PDLIM5: variants seen among roughly 807,000 people sequenced by gnomAD.
The protein encoded by PDLIM5 is PDZ and LIM domain protein 5.
In PDLIM5, 34 loss-of-function variants were observed where a neutral mutation model predicts 64.2. That is an observed-to-expected ratio of 0.53 (90% CI 0.40 to 0.71). The LOEUF is 0.71. Among genes scored for constraint, PDLIM5 ranks in the 30% least tolerant of loss-of-function variants. The pLI is 0.00. For missense variants in PDLIM5, 683 were observed against 733.6 expected, an observed-to-expected ratio of 0.93 and a Z score of 0.80; for synonymous variants, 253 against 269.1, an observed-to-expected ratio of 0.94 and a Z score of 0.59.
intron 7 of PDLIM5, among the ~76,000 whole-genome samples, chr4:94,612,418 A>T (rs1738443955): frequency 6.6e-6 from 1 of 152,118 alleles, no homozygotes; most frequent in Non-Finnish European, 1.5e-5. Context: ...CAGGGCTGAG[A>T]TTGTACAGAG....
chr4:94,538,913 T>C (rs568939709), intron 3 of PDLIM5, among the ~76,000 whole-genome samples: 1 of 152,192 alleles, frequency 6.6e-6, no homozygotes, highest in South Asian at 2.1e-4. Context: ...TTGGGATGAA[T>C]GATGATGGTA....
At chr4:94,517,314 C>A (rs1023953130) in intron 2 of PDLIM5, among the ~76,000 whole-genome samples, 6 of 152,078 alleles carry the variant, frequency 3.9e-5, no homozygotes, top group South Asian at 2.1e-4. Context: ...TTTATGGTAT[C>A]CTGGGAAATA....
chr4:94,482,514 G>A (rs1358299425), intron 2 of PDLIM5, among the ~76,000 whole-genome samples: 1 of 152,130 alleles, frequency 6.6e-6, no homozygotes, highest in Non-Finnish European at 1.5e-5. Flanking sequence ...AGTAATGAAT[G>A]TCTAATAATG....
At chr4:94,496,110 C>T (rs1375937355) in intron 2 of PDLIM5, among the ~76,000 whole-genome samples, 1 of 151,250 alleles carries the variant, frequency 6.6e-6, no homozygotes, top group Non-Finnish European at 1.5e-5. Flanking sequence ...TGTCCATCTA[C>T]CCTAGGCTTA....
intron 3 of PDLIM5, among the ~76,000 whole-genome samples, chr4:94,560,353 G>A (rs907560256): frequency 2.6e-5 from 4 of 151,958 alleles, no homozygotes; most frequent in Non-Finnish European, 5.9e-5. Flanking sequence ...GGAACTTAGC[G>A]GTGATTTTAT....
intron 8 of PDLIM5, among the ~76,000 whole-genome samples, chr4:94,628,473 A>G (rs1013291296): frequency 2.0e-5 from 3 of 152,190 alleles, no homozygotes; most frequent in African/African-American, 7.2e-5. Flanking sequence ...ACTTGTATTC[A>G]TCATTAGAGA....
At chr4:94,622,223 A>C (rs1739293130) in intron 8 of PDLIM5, among the ~76,000 whole-genome samples, 1 of 152,228 alleles carries the variant, frequency 6.6e-6, no homozygotes, top group Non-Finnish European at 1.5e-5. Context: ...GATGCAAATG[A>C]AAAAGTCTTT....
At chr4:94,635,447 T>C (rs1279544496) in intron 8 of PDLIM5, among the ~76,000 whole-genome samples, 2 of 152,062 alleles carry the variant, frequency 1.3e-5, no homozygotes, top group African/African-American at 2.4e-5. Context: ...TTTAATGTTA[T>C]CATTAGAACT....
intron 2 of PDLIM5, among the ~76,000 whole-genome samples, chr4:94,510,917 T>C (rs1728814115): frequency 6.6e-6 from 1 of 152,174 alleles, no homozygotes; most frequent in African/African-American, 2.4e-5. Context: ...ATAATACGTA[T>C]GTAGCAACTG....
chr4:94,618,228 A>G, intron 8 of PDLIM5, 37 bp downstream of exon 8: 1 of 1,401,640 alleles, frequency 7.1e-7, no homozygotes, highest in Non-Finnish European at 9.8e-7. Context: ...TGCTTTTCGT[A>G]ATGAGTTTCA....
intron 11 of PDLIM5, among the ~76,000 whole-genome samples, chr4:94,661,741 T>C (rs563945919): frequency 2.6e-5 from 4 of 152,328 alleles, no homozygotes; most frequent in South Asian, 4.1e-4. Flanking sequence ...TCTTCATTAG[T>C]CTTATTGTTG....
intron 7 of PDLIM5, among the ~76,000 whole-genome samples, chr4:94,607,408 C>T (rs184406984): frequency 1.3e-5 from 2 of 152,064 alleles, no homozygotes; most frequent in East Asian, 3.9e-4. Flanking sequence ...CTAGAACTTA[C>T]TTCTGGCATT....
chr4:94,629,421 A>G (rs900216666), intron 8 of PDLIM5, among the ~76,000 whole-genome samples: 1 of 152,136 alleles, frequency 6.6e-6, no homozygotes, highest in Non-Finnish European at 1.5e-5. Flanking sequence ...GTAGAACCAG[A>G]TATGTTAAGA....
chr4:94,573,017 ATAC>A (rs1734935609), intron 3 of PDLIM5, among the ~76,000 whole-genome samples: 1 of 152,164 alleles, frequency 6.6e-6, no homozygotes, highest in Non-Finnish European at 1.5e-5. Flanking sequence ...CATGTTTATT[ATAC>A]TTTACCCTTT....
At chr4:94,481,394 A>G (rs1479325259) in intron 2 of PDLIM5, among the ~76,000 whole-genome samples, 1 of 150,266 alleles carries the variant, frequency 6.7e-6, no homozygotes. Flanking sequence ...GGTTCAAGCG[A>G]TGCCTCAGCC....
In PDLIM5 at chr4:94,640,443, G is replaced by C; in HGVS notation, c.1276G>C (p.Val426Leu). ...TCCGATGTGCGCCCATTGTAACCAG[G>C]TCATCAGGTTGGTTGTTTTTTGAAA... Reference protein sequence around the residue: ...RTPMCAHCNQVIRGPFLVALG... With the variant: ...RTPMCAHCNQLIRGPFLVALG... Residue 426 changes from valine to leucine, a missense_variant, in exon 9 of 13, where the codon GTC becomes CTC. Val to Leu is a conservative substitution (Grantham distance 32). Transcript: ENST00000317968. 1 of 1,576,626 alleles carries C rather than the reference G, an allele frequency of 6.3e-7. No individual in the cohort carries two copies. The highest frequency in any genetic ancestry group is 8.6e-7 in the Non-Finnish European group (1 of 1,162,192).
chr4:94,585,413 A>G, intron 5 of PDLIM5, 152 bp from the exon 6 acceptor site: 1 of 508,922 alleles, frequency 2.0e-6, no homozygotes, highest in Non-Finnish European at 3.2e-6. Flanking sequence ...TCTTTTAAAA[A>G]CTTGAGACCG....
intron 3 of PDLIM5, among the ~76,000 whole-genome samples, chr4:94,571,073 C>T (rs1458326997): frequency 6.6e-6 from 1 of 152,082 alleles, no homozygotes; most frequent in Non-Finnish European, 1.5e-5. Flanking sequence ...TAAAAATATA[C>T]CTTAAGTATA....
chr4:94,640,462 T>A lies in PDLIM5; in HGVS notation c.1283+12T>A. ...AACCAGGTCATCAGGTTGGTTGTTT[T>A]TTGAAATTTTCTTGAAAGTACTTAA... On this transcript the variant is annotated intron_variant, in intron 9 of 12. Transcript: ENST00000317968. The A allele has an allele frequency of 1.3e-6, 2 of 1,544,404 alleles. No individual in the cohort carries two copies. Among genetic ancestry groups the A allele is most frequent in the South Asian group, 2.4e-5 (2 of 82,084 alleles).
Sources: gnomAD v4.1 joint callset for allele counts (sites outside exome capture counted in the v4.1 genomes callset) on GRCh38, gnomAD v4.1.1 for gene constraint, MANE v1.5 for transcripts, NCBI Gene and HGNC (gene_info 2026-07-23, HGNC 2026-07-21) for gene names.